The following ASB1 variants were observed in gnomAD, a reference collection of about 807,000 sequenced individuals.
ASB1 encodes ankyrin repeat and SOCS box containing 1.
A neutral mutation model predicts 27.7 loss-of-function variants in ASB1; 18 were observed. The observed-to-expected ratio is 0.65, with a 90% CI of 0.45 to 0.96. The LOEUF (loss-of-function observed/expected upper bound fraction) is 0.96. ASB1 is among the 50% of genes least tolerant of loss of function. The probability of loss-of-function intolerance (pLI) is 0.00; values close to 1 mark genes in which losing one functional copy is unlikely to be tolerated. For synonymous variants in ASB1, 189 were observed against 187.6 expected, an observed-to-expected ratio of 1.01 and a Z score of -0.06; for missense variants, 397 against 451.7, an observed-to-expected ratio of 0.88 and a Z score of 1.10.
In ASB1 at chr2:238,431,779, C is replaced by G. The variant is rs575802192; in HGVS notation, c.50-1775C>G. 3.7e-4 allele frequency among the ~76,000 whole-genome samples: 57 copies of G among 152,276 alleles called. 2 individuals are homozygous for G. In the South Asian group the frequency reaches 0.012, roughly 31 times the overall value. ...GGGAGCAGCTGGTTGGTGGAGCAGT[C>G]AGAACACAGACCACGTTGATGGATT... On this transcript the variant is annotated intron_variant, in intron 1 of 4. Transcript: ENST00000264607.
Position 238,448,109 on chromosome 2 carries a change from G to A in ASB1, c.*1598G>A, listed in dbSNP as rs1702214474. 1 of 152,358 alleles carries A rather than the reference G, an allele frequency of 6.6e-6. No homozygotes were observed. Among genetic ancestry groups the A allele is most frequent in the Admixed American group, 6.5e-5 (1 of 15,288 alleles). 9.4% of individuals were successfully genotyped at this position (152,358 alleles called of 1,614,324 possible). On this transcript the variant is annotated 3_prime_UTR_variant, in exon 5 of 5. Coordinates refer to ENST00000264607, the MANE Select transcript of ASB1 (RefSeq NM_001040445.3). ...GTGGGCTGTGTGCTGTTCCCGAGGG[G>A]AGCTTGGGATTGGGTCCTGCTGAAG...
At chr2:238,434,814 C>T (rs1241287299) in intron 2 of ASB1, among the ~76,000 whole-genome samples, 2 of 152,250 alleles carry the variant, frequency 1.3e-5, no homozygotes, top group African/African-American at 4.8e-5. Flanking sequence ...TGTTTCTCCT[C>T]CTTCTTTTAC....
In ASB1 at chr2:238,427,119, G is replaced by C. The variant is rs1227083103; in HGVS notation, c.49G>C (p.Gly17Arg). ...CGGGCGGGCAGGGCCGGGCTCCGCA[G>C]GTAACGTGCGCGCGGCCACTGGGCC... ...PDGRAGPGSA[G>R]RNLKEWLREQ... Residue 17 changes from glycine to arginine, a missense_variant and splice_region_variant, in exon 1 of 5, where the codon GGT (glycine) becomes CGT (arginine). Physicochemically the swap from Gly to Arg is moderately radical, Grantham distance 125. Coordinates refer to ENST00000264607, the MANE Select transcript of ASB1 (RefSeq NM_001040445.3). 33 of 1,250,014 alleles carry C rather than the reference G, an allele frequency of 2.6e-5. No homozygotes were observed. The highest frequency in any genetic ancestry group is 3.3e-5 in the Non-Finnish European group (33 of 997,602). 77.4% of individuals were successfully genotyped at this position (1,250,014 alleles called of 1,614,324 possible).
intron 2 of ASB1, among the ~76,000 whole-genome samples, chr2:238,433,991 C>T (rs1053004830): frequency 6.6e-6 from 1 of 152,174 alleles, no homozygotes; most frequent in Non-Finnish European, 1.5e-5. Context: ...CTGAAGGTAC[C>T]ACTGTTTCCC....
chr2:238,441,354 C>G (rs183074592), intron 3 of ASB1, among the ~76,000 whole-genome samples: 2 of 152,032 alleles, frequency 1.3e-5, no homozygotes, highest in Non-Finnish European at 2.9e-5. Flanking sequence ...AGGCTGGTCT[C>G]GAACTCCTGG....
At chr2:238,433,471 A>T in intron 1 of ASB1, 83 bp from the exon 2 acceptor site, 1 of 1,524,040 alleles carries the variant, frequency 6.6e-7, no homozygotes. Flanking sequence ...GGGAGAGGGA[A>T]GGCTCGCTGC....
At position 238,427,097 on chromosome 2, in the gene ASB1, G is replaced by A; in HGVS notation, c.27G>A (p.Gly9=). The A allele has an allele frequency of 7.9e-7, 1 of 1,261,304 alleles. No homozygotes were observed. The allele number at this position is 1,261,304 out of a possible 1,614,324, so 78.1% of individuals were successfully genotyped here. The change falls in exon 1 of 5, where the codon GGG becomes GGA. Residue 9 remains glycine, a synonymous_variant. Coordinates refer to ENST00000264607, the MANE Select transcript of ASB1 (RefSeq NM_001040445.3). ...TGGCGGAGGGCGGCAGCCCAGACGG[G>A]CGGGCAGGGCCGGGCTCCGCAGGTA... is the stretch of plus-strand genomic sequence containing the variant. MAEGGSPD[G]RAGPGSAGRN...
Position 238,427,113 on chromosome 2 carries a change from T to C in ASB1, c.43T>C (p.Ser15Pro), listed in dbSNP as rs1434087972. Residue 15 changes from serine to proline, a missense_variant, in exon 1 of 5, where the codon TCC becomes CCC. Coordinates refer to ENST00000264607, the MANE Select transcript of ASB1 (RefSeq NM_001040445.3). ...CCCAGACGGGCGGGCAGGGCCGGGC[T>C]CCGCAGGTAACGTGCGCGCGGCCAC... ...GSPDGRAGPG[S>P]AGRNLKEWLR... 8.0e-7 allele frequency: 1 copy of C among 1,255,040 alleles called. No homozygotes were observed. The highest frequency in any genetic ancestry group is 1.0e-6 in the Non-Finnish European group (1 of 1,000,642). The allele number at this position is 1,255,040 out of a possible 1,614,324, so 77.7% of individuals were successfully genotyped here.
intron 3 of ASB1, among the ~76,000 whole-genome samples, chr2:238,439,420 A>C (rs1327482923): frequency 6.6e-6 from 1 of 152,186 alleles, no homozygotes; most frequent in Non-Finnish European, 1.5e-5. Context: ...CTGGACACTC[A>C]GGATGGTGCT....
intron 1 of ASB1, 86 bp from the exon 2 acceptor site, chr2:238,433,468 G>T (rs1011637077): frequency 3.7e-5 from 56 of 1,517,330 alleles, no homozygotes; most frequent in Non-Finnish European, 3.9e-5. Context: ...GCTGGGAGAG[G>T]GAAGGCTCGC....
chr2:238,435,802 G>C lies in ASB1; in HGVS notation c.283G>C (p.Asp95His), dbSNP rs757348919. The change falls in exon 3 of 5, where the codon GAC (aspartate) becomes CAC (histidine). Residue 95 changes from aspartate (D) to histidine (H), a missense_variant. Asp to His is a moderately conservative substitution (Grantham distance 81). Coordinates refer to ENST00000264607, the MANE Select transcript of ASB1 (RefSeq NM_001040445.3). ...CACTGCAGGCCATGGGAGCTGTGTGGACTTCCTCATCCGGAAGGGGGCCGA... is the reference window on the plus strand; with the variant it reads ...CACTGCAGGCCATGGGAGCTGTGTGCACTTCCTCATCCGGAAGGGGGCCGA... The part of the protein sequence containing the change: ...AATAGHGSCV[D>H]FLIRKGAEVD... 5.8e-5 allele frequency: 93 copies of C among 1,614,114 alleles called. No individual in the cohort carries two copies. The highest frequency in any genetic ancestry group is 7.5e-5 in the Non-Finnish European group (89 of 1,180,052).
intron 1 of ASB1, among the ~76,000 whole-genome samples, chr2:238,430,643 G>C (rs1405021879): frequency 6.6e-6 from 1 of 152,170 alleles, no homozygotes. Context: ...TTTTTGCGCA[G>C]ATCCATGAGA....
At chr2:238,442,279 T>C (rs1397658204) in intron 3 of ASB1, among the ~76,000 whole-genome samples, 1 of 151,946 alleles carries the variant, frequency 6.6e-6, no homozygotes, top group Non-Finnish European at 1.5e-5. Context: ...ACCCGGCTAA[T>C]TTTTGTGTTT....
chr2:238,446,790 A>G lies in ASB1; in HGVS notation c.*279A>G, dbSNP rs1421837974. On this transcript the variant is annotated 3_prime_UTR_variant, in exon 5 of 5. Coordinates refer to ENST00000264607, the MANE Select transcript of ASB1 (RefSeq NM_001040445.3). ...ATGTAACGGGCCATGGGGTATGTACATGTAGGGGCTGAGGTTGGAGGCCTA... is the reference window on the plus strand; with the variant it reads ...ATGTAACGGGCCATGGGGTATGTACGTGTAGGGGCTGAGGTTGGAGGCCTA... 3 of 372,738 alleles carry G rather than the reference A, an allele frequency of 8.0e-6. No homozygotes were observed. The highest frequency in any genetic ancestry group is 1.5e-5 in the Non-Finnish European group (3 of 203,448). The allele number at this position is 372,738 out of a possible 1,614,324, so 23.1% of individuals were successfully genotyped here. A position where few individuals can be genotyped will look rare whatever the true frequency, so the allele number is the denominator to read the frequency against.
chr2:238,428,146 G>T (rs140370271), intron 1 of ASB1, among the ~76,000 whole-genome samples: 3 of 152,362 alleles, frequency 2.0e-5, no homozygotes, highest in African/African-American at 7.2e-5. Flanking sequence ...TTCAGAGACA[G>T]CCAGGACCTT....
chr2:238,428,391 A>C lies in ASB1; in HGVS notation c.49+1272A>C, dbSNP rs1340733998. Reference sequence around the variant, plus strand: ...CTGCAGCCTCCGCCTCGGGGGTTCAAGCGATGCTCTGGCCTCAGCCTCCCT... The same window carrying C: ...CTGCAGCCTCCGCCTCGGGGGTTCACGCGATGCTCTGGCCTCAGCCTCCCT... On this transcript the variant is annotated intron_variant, in intron 1 of 4. Coordinates refer to ENST00000264607, the MANE Select transcript of ASB1 (RefSeq NM_001040445.3). 2.0e-5 allele frequency among the ~76,000 whole-genome samples: 3 copies of C among 152,140 alleles called. No individual in the cohort carries two copies. The East Asian group carries it at 5.8e-4, about 29-fold the overall frequency.
At chr2:238,440,461 G>GT (rs1374604412) in intron 3 of ASB1, among the ~76,000 whole-genome samples, 1 of 152,184 alleles carries the variant, frequency 6.6e-6, no homozygotes, top group Non-Finnish European at 1.5e-5. Context: ...GAGAAACCCA[G>GT]TTCCCCTGCC....
At position 238,435,720 on chromosome 2, in the gene ASB1, C is replaced by G. The variant is rs992303300; in HGVS notation, c.201C>G (p.Asn67Lys). 6.2e-7 allele frequency: 1 copy of G among 1,612,250 alleles called. No homozygotes were observed. Among genetic ancestry groups the G allele is most frequent in the South Asian group, 1.1e-5 (1 of 90,922 alleles). The change falls in exon 3 of 5, where the codon AAC becomes AAG. Residue 67 changes from asparagine (N) to lysine (K), a missense_variant. Asn to Lys is a moderately conservative substitution (Grantham distance 94, BLOSUM62 0). Transcript: ENST00000264607. ...LQEESYRSRI[N>K]EKSVWCCGWL... ...TGTGTTCCTCCTGCAGCCGCATCAACGAGAAGTCTGTCTGGTGCTGTGGCT... is the reference window on the plus strand; with the variant it reads ...TGTGTTCCTCCTGCAGCCGCATCAAGGAGAAGTCTGTCTGGTGCTGTGGCT...
At chr2:238,441,584 A>G (rs905975012) in intron 3 of ASB1, among the ~76,000 whole-genome samples, 4 of 152,138 alleles carry the variant, frequency 2.6e-5, no homozygotes, top group African/African-American at 9.7e-5. Flanking sequence ...TGGACTGTAC[A>G]CTTTCACTGT....
Sources: allele counts gnomAD v4.1 joint callset (sites outside exome capture counted in the v4.1 genomes callset), GRCh38; gene constraint gnomAD v4.1.1; transcripts MANE v1.5; gene names NCBI Gene and HGNC (gene_info 2026-07-23, HGNC 2026-07-21).